HEPACAM2: variants seen among roughly 807,000 people sequenced by gnomAD.
HEPACAM2 encodes HEPACAM family member 2.
In HEPACAM2, 49 loss-of-function variants were observed where a neutral mutation model predicts 49.6. That is an observed-to-expected ratio of 0.99 (90% CI 0.78 to 1.25). The LOEUF is 1.25. Ranked by LOEUF, HEPACAM2 falls within the 50% of genes most tolerant of loss-of-function variation. The pLI, the probability that HEPACAM2 is intolerant of heterozygous loss-of-function variation, is 0.00. For missense variants in HEPACAM2, 525 were observed against 557.2 expected (o/e 0.94, Z 0.58); for synonymous variants, 197 against 202.9 (o/e 0.97, Z 0.25).
chr7:93,222,397 T>TC (rs1473281540), intron 1 of HEPACAM2, among the ~76,000 whole-genome samples: 2 of 151,096 alleles, frequency 1.3e-5, no homozygotes, highest in African/African-American at 4.9e-5. Flanking sequence ...TGCTCCCTCC[T>TC]TTTTTTTTAC....
chr7:93,212,580 T>C lies in HEPACAM2; in HGVS notation c.715+2821A>G, dbSNP rs541869712. Among the ~76,000 whole-genome samples, 14 of 152,208 alleles carry C rather than the reference T, an allele frequency of 9.2e-5. No homozygotes were observed. In the South Asian group the frequency reaches 2.7e-3, roughly 29 times the overall value. On this transcript the variant is annotated intron_variant, in intron 3 of 9. Coordinates refer to ENST00000394468, the MANE Select transcript of HEPACAM2 (RefSeq NM_001039372.4). ...ATGAAAAGAAAGTCATTTGTAATTT[T>C]ATTGCTCAGAGAACCAATATCCACA...
intron 1 of HEPACAM2, among the ~76,000 whole-genome samples, chr7:93,224,311 G>A (rs1357434771): frequency 3.3e-5 from 5 of 151,814 alleles, no homozygotes; most frequent in African/African-American, 1.2e-4. Flanking sequence ...AAAAATTGAT[G>A]AAATTTAAAT....
chr7:93,189,767 CCTACTCAGA>C (rs1191915833), intron 9 of HEPACAM2, among the ~76,000 whole-genome samples: 2 of 151,964 alleles, frequency 1.3e-5, no homozygotes, highest in Non-Finnish European at 2.9e-5. Context: ...GGCTGTCTTT[CCTACTCAGA>C]AGTGACTGCC....
intron 1 of HEPACAM2, 71 bp from the exon 2 acceptor site, chr7:93,219,522 G>C: frequency 6.2e-7 from 1 of 1,600,036 alleles, no homozygotes; most frequent in Non-Finnish European, 8.5e-7. Flanking sequence ...CAAATGCAGA[G>C]AGAACCTGAT....
intron 4 of HEPACAM2, among the ~76,000 whole-genome samples, chr7:93,201,458 TGTTA>T (rs987731238): frequency 6.6e-6 from 1 of 152,122 alleles, no homozygotes; most frequent in African/African-American, 2.4e-5. Flanking sequence ...TCTATTTCCT[TGTTA>T]GTTATACATT....
In HEPACAM2 at chr7:93,198,336, A is replaced by G. The variant is rs1175247851; in HGVS notation, c.1013-726T>C. Among the ~76,000 whole-genome samples the G allele has an allele frequency of 5.3e-5, 8 of 152,154 alleles. No individual in the cohort carries two copies. The South Asian group carries it at 6.2e-4, about 12-fold the overall frequency. On this transcript the variant is annotated intron_variant, in intron 4 of 9. Coordinates refer to ENST00000394468, the MANE Select transcript of HEPACAM2 (RefSeq NM_001039372.4). ...ATTAACTCACTGAATCTTTACAACAATCCTACCAGGGAGAGATTATTTTAT... is the reference window on the plus strand; with the variant it reads ...ATTAACTCACTGAATCTTTACAACAGTCCTACCAGGGAGAGATTATTTTAT...
At chr7:93,194,091 T>C (rs1793622912) in intron 8 of HEPACAM2, among the ~76,000 whole-genome samples, 2 of 152,166 alleles carry the variant, frequency 1.3e-5, no homozygotes, top group Non-Finnish European at 2.9e-5. Flanking sequence ...CTGTTTCTGA[T>C]AGAAATAAGC....
At chr7:93,196,433 G>C (rs1460221204) in intron 7 of HEPACAM2, among the ~76,000 whole-genome samples, 8 of 152,114 alleles carry the variant, frequency 5.3e-5, no homozygotes, top group Non-Finnish European at 1.5e-5. Context: ...AGGTGGTTAG[G>C]AGGAACCAGA....
At chr7:93,195,385 C>G (rs1793685341) in intron 8 of HEPACAM2, among the ~76,000 whole-genome samples, 1 of 151,966 alleles carries the variant, frequency 6.6e-6, no homozygotes, top group African/African-American at 2.4e-5. Context: ...CATAACCATG[C>G]TTGGCTAATT....
chr7:93,218,937 A>C (rs1191514300), intron 2 of HEPACAM2, among the ~76,000 whole-genome samples, 164 bp downstream of exon 2: 1 of 152,150 alleles, frequency 6.6e-6, no homozygotes, highest in East Asian at 1.9e-4. Flanking sequence ...AAGCCTTGTG[A>C]GGTAGATAAT....
rs1256500087 is a variant in HEPACAM2, at chr7:93,202,433, G to A, written c.1013-4823C>T. On this transcript the variant is annotated intron_variant, in intron 4 of 9. Coordinates refer to ENST00000394468, the MANE Select transcript of HEPACAM2 (RefSeq NM_001039372.4). ...TAGACAGGTTTTTTTCTGACTGCAAGTTCAACTTTTTTTCTGTTAATCTGT... is the reference window on the plus strand; with the variant it reads ...TAGACAGGTTTTTTTCTGACTGCAAATTCAACTTTTTTTCTGTTAATCTGT... 2.6e-5 allele frequency among the ~76,000 whole-genome samples: 4 copies of A among 152,088 alleles called. No homozygotes were observed. In the East Asian group the frequency reaches 7.8e-4, roughly 29 times the overall value.
intron 4 of HEPACAM2, among the ~76,000 whole-genome samples, chr7:93,205,282 TAGAAAG>T (rs1793999834): frequency 1.3e-5 from 2 of 152,072 alleles, no homozygotes; most frequent in Non-Finnish European, 2.9e-5. Flanking sequence ...GCTGTAGTCT[TAGAAAG>T]AGAAAAACAC....
In HEPACAM2 at chr7:93,189,190, A is replaced by C. The variant is rs17781170; in HGVS notation, c.*77T>G. On this transcript the variant is annotated 3_prime_UTR_variant, in exon 10 of 10. Transcript: ENST00000394468. ...TTGGTTTCTTCACTGATTCCAGATT[A>C]ATATACTTTTCCACTGTTTTTCCTT... 0.087 allele frequency: 108,542 copies of C among 1,247,458 alleles called. 5,623 individuals are homozygous for C. Among genetic ancestry groups the C allele is most frequent in the Non-Finnish European group, 0.11 (92,967 of 856,092 alleles). 77.3% of individuals were successfully genotyped at this position (1,247,458 alleles called of 1,614,324 possible). A position where few individuals can be genotyped will look rare whatever the true frequency, so the allele number is the denominator to read the frequency against.
chr7:93,198,220 CTTTGT>C (rs1351886018), intron 4 of HEPACAM2, among the ~76,000 whole-genome samples: 9 of 152,072 alleles, frequency 5.9e-5, no homozygotes, highest in African/African-American at 1.2e-4. Context: ...CTAGAATTCA[CTTTGT>C]TTTATCAGTC....
At chr7:93,230,435 G>A (rs924970020), upstream of HEPACAM2, among the ~76,000 whole-genome samples, 1 of 152,134 alleles carries the variant, frequency 6.6e-6, no homozygotes, top group Non-Finnish European at 1.5e-5. Context: ...AATAATAACA[G>A]CACACACCTC....
At chr7:93,212,987 G>C (rs1794214051) in intron 3 of HEPACAM2, among the ~76,000 whole-genome samples, 1 of 152,032 alleles carries the variant, frequency 6.6e-6, no homozygotes, top group Non-Finnish European at 1.5e-5. Flanking sequence ...GGGGATGGCT[G>C]TTTACTAAAT....
chr7:93,192,194 AAAGC>A, intron 9 of HEPACAM2, 56 bp downstream of exon 9: 2 of 1,256,886 alleles, frequency 1.6e-6, no homozygotes, highest in Admixed American at 3.6e-5. Flanking sequence ...AGTTCTGGGG[AAAGC>A]AAAAGCTAAA....
chr7:93,204,007 T>C (rs2116666283), intron 4 of HEPACAM2, among the ~76,000 whole-genome samples: 1 of 152,256 alleles, frequency 6.6e-6, no homozygotes, highest in African/African-American at 2.4e-5. Flanking sequence ...TTAATTGTCA[T>C]TTCCAAAGAC....
At chr7:93,200,676 A>G (rs1793859156) in intron 4 of HEPACAM2, among the ~76,000 whole-genome samples, 1 of 152,174 alleles carries the variant, frequency 6.6e-6, no homozygotes, top group Admixed American at 6.6e-5. Context: ...ACCTCCTAGC[A>G]TCATGCAGTT....
Sources: allele counts gnomAD v4.1 joint callset (sites outside exome capture counted in the v4.1 genomes callset), GRCh38; gene constraint gnomAD v4.1.1; transcripts MANE v1.5; gene names NCBI Gene and HGNC (gene_info 2026-07-23, HGNC 2026-07-21).